MAP7: variants seen among roughly 807,000 people sequenced by gnomAD.
The protein encoded by MAP7 is microtubule associated protein 7.
MAP7 carries 52 observed loss-of-function variants against 94.8 expected under a neutral mutation model. That is an observed-to-expected ratio of 0.55 (90% confidence interval 0.44 to 0.69). The LOEUF (loss-of-function observed/expected upper bound fraction) is 0.69. Among genes scored for constraint, MAP7 ranks in the 30% least tolerant of loss-of-function variants. The probability of loss-of-function intolerance (pLI) is 0.00; values close to 1 mark genes in which losing one functional copy is unlikely to be tolerated. For missense variants in MAP7, 940 were observed against 964.6 expected, an observed-to-expected ratio of 0.97 and a Z score of 0.34; for synonymous variants, 350 against 357.0, an observed-to-expected ratio of 0.98 and a Z score of 0.22.
In MAP7 at chr6:136,361,063, C is replaced by A. The variant is rs773760531; in HGVS notation, c.1643G>T (p.Arg548Leu). 2.5e-6 allele frequency: 4 copies of A among 1,598,808 alleles called. No individual in the cohort carries two copies. The highest frequency in any genetic ancestry group is 2.5e-6 in the Non-Finnish European group (3 of 1,177,770). Residue 548 changes from arginine to leucine, a missense_variant, in exon 12 of 18, where the codon CGG becomes CTG. Physicochemically the swap from Arg to Leu is moderately radical, Grantham distance 102. Coordinates refer to ENST00000354570, the MANE Select transcript of MAP7 (RefSeq NM_003980.6). The part of the protein sequence containing the change: ...QAREKEEQLQ[R>L]QAEERALRER... ...GCGCAGCGCCCGCTCCTCCGCCTGC[C>A]GCTGCAGCTGCTCCTCCTTCTCCCG...
chr6:136,375,336 G>A (rs572128424), intron 7 of MAP7, among the ~76,000 whole-genome samples: 1 of 152,318 alleles, frequency 6.6e-6, no homozygotes, highest in South Asian at 2.1e-4. Flanking sequence ...CTGCAAATGA[G>A]AGGTGTGAGA....
chr6:136,503,405 A>T (rs1440990142), intron 1 of MAP7, among the ~76,000 whole-genome samples: 1 of 149,586 alleles, frequency 6.7e-6, no homozygotes, highest in African/African-American at 2.5e-5. Flanking sequence ...AGGGGGAAAA[A>T]AAAAGGGGGG....
intron 7 of MAP7, among the ~76,000 whole-genome samples, chr6:136,375,692 G>A (rs1775910008): frequency 6.6e-6 from 1 of 152,198 alleles, no homozygotes; most frequent in South Asian, 2.1e-4. Context: ...CTGTATCGAT[G>A]AAACTGGTGA....
intron 3 of MAP7, among the ~76,000 whole-genome samples, chr6:136,407,904 G>T (rs551722240): frequency 6.6e-6 from 1 of 152,296 alleles, no homozygotes; most frequent in South Asian, 2.1e-4. Context: ...CAAACATTTG[G>T]TGCAATTAAT....
At chr6:136,356,365 T>C (rs1268077433) in intron 16 of MAP7, among the ~76,000 whole-genome samples, 2 of 152,060 alleles carry the variant, frequency 1.3e-5, no homozygotes, top group Non-Finnish European at 2.9e-5. Context: ...GGTGCTTTGC[T>C]ATGTTGCCCA....
intron 1 of MAP7, among the ~76,000 whole-genome samples, chr6:136,522,133 C>T (rs1201105961): frequency 6.6e-6 from 1 of 152,142 alleles, no homozygotes. Context: ...GCCTTGAGAC[C>T]TATCCAAGGG....
intron 1 of MAP7, among the ~76,000 whole-genome samples, chr6:136,425,439 A>G (rs1792857634): frequency 1.3e-5 from 2 of 152,338 alleles, no homozygotes; most frequent in Non-Finnish European, 2.9e-5. Flanking sequence ...CACATGAAAT[A>G]GCCTTTTATG....
intron 2 of MAP7, among the ~76,000 whole-genome samples, chr6:136,418,861 C>T (rs1428929423): frequency 1.3e-5 from 2 of 152,120 alleles, no homozygotes; most frequent in Non-Finnish European, 2.9e-5. Context: ...CCCTCCAACA[C>T]ATAACTCATA....
At chr6:136,382,133 G>T (rs1777980168) in intron 6 of MAP7, among the ~76,000 whole-genome samples, 1 of 152,082 alleles carries the variant, frequency 6.6e-6, no homozygotes, top group Non-Finnish European at 1.5e-5. Flanking sequence ...ATCTTTTTCA[G>T]TTCCAAGATT....
intron 16 of MAP7, among the ~76,000 whole-genome samples, chr6:136,351,772 C>G (rs1789278029): frequency 6.6e-6 from 1 of 152,218 alleles, no homozygotes; most frequent in South Asian, 2.1e-4. Context: ...TTCTGTGAAA[C>G]TGGATCCAGA....
chr6:136,384,251 C>T (rs1778563255), intron 5 of MAP7, among the ~76,000 whole-genome samples: 1 of 151,936 alleles, frequency 6.6e-6, no homozygotes, highest in Non-Finnish European at 1.5e-5. Flanking sequence ...TCATTTTACC[C>T]AGGGCATTAA....
At chr6:136,353,276 A>T (rs1789753749) in intron 16 of MAP7, among the ~76,000 whole-genome samples, 1 of 152,232 alleles carries the variant, frequency 6.6e-6, no homozygotes, top group African/African-American at 2.4e-5. Flanking sequence ...TACTGATATC[A>T]GGTAGCACCA....
chr6:136,459,930 T>C (rs889151731), intron 1 of MAP7, among the ~76,000 whole-genome samples: 2 of 152,278 alleles, frequency 1.3e-5, no homozygotes, highest in East Asian at 3.9e-4. Flanking sequence ...AACAGAGCTA[T>C]AGTATATTAT....
At chr6:136,488,775 A>C (rs1815599677) in intron 1 of MAP7, among the ~76,000 whole-genome samples, 1 of 152,070 alleles carries the variant, frequency 6.6e-6, no homozygotes, top group Non-Finnish European at 1.5e-5. Context: ...TCTTAGATGC[A>C]ATGAGAAATA....
intron 1 of MAP7, among the ~76,000 whole-genome samples, chr6:136,530,541 A>AGCTCCTGCAATAGTCCAGATGAAAGATGG (rs1583153402): frequency 6.8e-5 from 10 of 147,122 alleles, no homozygotes; most frequent in South Asian, 2.1e-4. Context: ...CATGGAATCA[A>AGCTCCTGCAATAGTCCAGATGAAAGATGG]ACAACCACTA....
chr6:136,442,231 C>T (rs1271199239), intron 1 of MAP7, among the ~76,000 whole-genome samples: 1 of 150,852 alleles, frequency 6.6e-6, no homozygotes, highest in East Asian at 2.0e-4. Context: ...GGTGAAACCC[C>T]GTCACTACTA....
chr6:136,534,141 C>T (rs992447466), intron 1 of MAP7, among the ~76,000 whole-genome samples: 2 of 152,104 alleles, frequency 1.3e-5, no homozygotes, highest in African/African-American at 2.4e-5. Context: ...GATTCTTCCA[C>T]GAAATAGAAC....
At chr6:136,398,909 T>C (rs1033825062) in intron 3 of MAP7, among the ~76,000 whole-genome samples, 2 of 152,130 alleles carry the variant, frequency 1.3e-5, no homozygotes, top group African/African-American at 4.8e-5. Flanking sequence ...CATTCAGCAA[T>C]CTAGAGTCCA....
At chr6:136,492,224 T>G (rs747045054) in intron 1 of MAP7, among the ~76,000 whole-genome samples, 2 of 152,232 alleles carry the variant, frequency 1.3e-5, no homozygotes, top group Non-Finnish European at 2.9e-5. Context: ...TTATGGAATA[T>G]ATATACTATA....
Sources: allele counts gnomAD v4.1 joint callset (sites outside exome capture counted in the v4.1 genomes callset), GRCh38; gene constraint gnomAD v4.1.1; transcripts MANE v1.5; gene names NCBI Gene and HGNC (gene_info 2026-07-23, HGNC 2026-07-21).